TMCO1: variants seen among roughly 807,000 people sequenced by gnomAD.
TMCO1 encodes calcium load-activated calcium channel.
In TMCO1, 29 loss-of-function variants were observed where a neutral mutation model predicts 29.3. The observed-to-expected ratio is 0.99, with a 90% CI of 0.74 to 1.35. TMCO1 has a LOEUF of 1.35. TMCO1 is among the 40% of genes most tolerant of loss of function. The probability of loss-of-function intolerance (pLI) is 0.00; values close to 1 mark genes in which losing one functional copy is unlikely to be tolerated. For synonymous variants in TMCO1, 80 were observed against 77.1 expected (o/e 1.04, Z -0.20); for missense variants, 173 against 225.5 (o/e 0.77, Z 1.49).
At chr1:165,768,901 G>A (rs745928907), upstream of TMCO1, 3 of 1,545,744 alleles carry the variant, frequency 1.9e-6, no homozygotes, top group Non-Finnish European at 2.6e-6. Context: ...CGCTTCCGGG[G>A]CATAGCACCG....
At chr1:165,729,944 A>G (rs1345094411) in intron 6 of TMCO1, among the ~76,000 whole-genome samples, 2 of 151,996 alleles carry the variant, frequency 1.3e-5, no homozygotes, top group Non-Finnish European at 2.9e-5. Flanking sequence ...ATACTGTGAG[A>G]ATATCCATAA....
At chr1:165,730,963 G>A (rs1289816871) in intron 6 of TMCO1, among the ~76,000 whole-genome samples, 4 of 151,502 alleles carry the variant, frequency 2.6e-5, no homozygotes, top group Non-Finnish European at 4.4e-5. Flanking sequence ...GCAGTGGTGC[G>A]ATCTTGGCTC....
At position 165,726,821 on chromosome 1, in the gene TMCO1, T is replaced by G. The variant is rs1323037651; in HGVS notation, c.*1202A>C. The G allele has an allele frequency of 4.4e-6, 2 of 452,944 alleles. No homozygotes were observed. The highest frequency in any genetic ancestry group is 2.4e-5 in the Admixed American group (1 of 42,346). The allele number at this position is 452,944 out of a possible 1,614,324, so 28.1% of individuals were successfully genotyped here. A position where few individuals can be genotyped will look rare whatever the true frequency, so the allele number is the denominator to read the frequency against. On this transcript the variant is annotated 3_prime_UTR_variant, in exon 7 of 7. Coordinates refer to ENST00000367881, the MANE Select transcript of TMCO1 (RefSeq NM_019026.6). ...TTTGTATGTCTAAACATGTCTTTAT[T>G]TTGCCTCCAATATTGTACATAAAAT...
intron 3 of TMCO1, among the ~76,000 whole-genome samples, chr1:165,757,366 C>A (rs1405876991): frequency 6.6e-6 from 1 of 152,196 alleles, no homozygotes; most frequent in Non-Finnish European, 1.5e-5. Context: ...TTACAGATTT[C>A]TGATAGTCTG....
intron 2 of TMCO1, among the ~76,000 whole-genome samples, 160 bp from the exon 3 acceptor site, chr1:165,759,744 T>C (rs1466629245): frequency 1.3e-5 from 2 of 152,186 alleles, no homozygotes; most frequent in East Asian, 3.8e-4. Context: ...TCATAGCTAC[T>C]GATGGTAAAA....
intron 2 of TMCO1, among the ~76,000 whole-genome samples, chr1:165,760,887 A>T (rs1172485885): frequency 1.3e-5 from 2 of 152,196 alleles, no homozygotes; most frequent in Non-Finnish European, 2.9e-5. Flanking sequence ...TGGACTAGGG[A>T]TATGTCAAAA....
chr1:165,745,402 C>T (rs923792750), intron 5 of TMCO1, among the ~76,000 whole-genome samples: 15 of 145,390 alleles, frequency 1.0e-4, no homozygotes, highest in Non-Finnish European at 2.1e-4. Context: ...TTTGAGAGGC[C>T]GAGGCAGGAG....
At chr1:165,752,944 C>T (rs1329807416) in intron 4 of TMCO1, among the ~76,000 whole-genome samples, 1 of 152,150 alleles carries the variant, frequency 6.6e-6, no homozygotes, top group Non-Finnish European at 1.5e-5. Flanking sequence ...TTAATAAGTA[C>T]TGGCAAAAGG....
intron 6 of TMCO1, among the ~76,000 whole-genome samples, chr1:165,730,882 T>C (rs901671394): frequency 6.6e-6 from 1 of 150,934 alleles, no homozygotes; most frequent in African/African-American, 2.4e-5. Flanking sequence ...GGTGAGCCAC[T>C]ATGCCCGGCC....
chr1:165,768,913 A>G (rs917578167), upstream of TMCO1: 5 of 1,542,844 alleles, frequency 3.2e-6, no homozygotes, highest in Non-Finnish European at 1.7e-6. Flanking sequence ...ATAGCACCGG[A>G]AAGGCTCGTA....
At chr1:165,766,887 G>A (rs1165674137) in intron 2 of TMCO1, among the ~76,000 whole-genome samples, 2 of 152,198 alleles carry the variant, frequency 1.3e-5, no homozygotes, top group Non-Finnish European at 2.9e-5. Context: ...TACACTACTG[G>A]AAGCATGGAG....
intron 5 of TMCO1, among the ~76,000 whole-genome samples, chr1:165,751,009 G>T (rs1651972430): frequency 6.6e-6 from 1 of 152,156 alleles, no homozygotes; most frequent in Admixed American, 6.5e-5. Flanking sequence ...GGCAGAAGTT[G>T]CAGTGAGCTG....
chr1:165,751,668 G>A lies in TMCO1; in HGVS notation c.323+434C>T, dbSNP rs1651997935. On this transcript the variant is annotated intron_variant, in intron 5 of 6. Transcript: ENST00000367881. ...TGCAGTGAGCCAAGATTGCGCCACT[G>A]CACTCCAGCCTGGGTGACAGAGCAA... Among the ~76,000 whole-genome samples, 4 of 151,302 alleles carry A rather than the reference G, an allele frequency of 2.6e-5. No homozygotes were observed. The South Asian group carries it at 8.4e-4, about 32-fold the overall frequency.
chr1:165,749,940 A>G (rs1014026834), intron 5 of TMCO1, among the ~76,000 whole-genome samples: 2 of 152,174 alleles, frequency 1.3e-5, no homozygotes, highest in African/African-American at 4.8e-5. Context: ...AAAGATGTTA[A>G]ATCTCACACA....
In TMCO1 at chr1:165,730,436, G is replaced by C. The variant is rs12064187; in HGVS notation, c.469-2315C>G. Among the ~76,000 whole-genome samples the C allele has an allele frequency of 7.4e-3, 1,133 of 152,184 alleles. 23 individuals carry two copies. Among genetic ancestry groups the C allele is most frequent in the South Asian group, 0.05 (241 of 4,826 alleles). The stretch of plus-strand genomic sequence containing the variant: ...TTAAATATGGAGGACATAACTTTAA[G>C]GACTCATCTAAATTATATTTACCAT... On this transcript the variant is annotated intron_variant, in intron 6 of 6. Transcript: ENST00000367881.
chr1:165,768,745 T>G lies in TMCO1; in HGVS notation c.7A>C (p.Thr3Pro). The change falls in exon 1 of 7, where the codon ACT becomes CCT. Residue 3 changes from threonine to proline, a missense_variant. Coordinates refer to ENST00000367881, the MANE Select transcript of TMCO1 (RefSeq NM_019026.6). MS[T>P]MFADTLLIVF... The stretch of plus-strand genomic sequence containing the variant: ...ATGAGGAGAGTGTCCGCGAACATAG[T>G]GCTCATCTCGCACCTTCGTCTCTGC... 1.2e-6 allele frequency: 2 copies of G among 1,614,014 alleles called. No homozygotes were observed. Among genetic ancestry groups the G allele is most frequent in the Non-Finnish European group, 1.7e-6 (2 of 1,179,994 alleles).
rs148360462 is a variant in TMCO1 at position 165,753,235 on chromosome 1, G to A, written c.255+993C>T. Reference sequence around the variant, plus strand: ...CACCTGTAATCCCAGCACTTTGGGAGGCCGAGGCAGGTGGATGGCTTGAGC... The same window carrying A: ...CACCTGTAATCCCAGCACTTTGGGAAGCCGAGGCAGGTGGATGGCTTGAGC... On this transcript the variant is annotated intron_variant, in intron 4 of 6. Transcript: ENST00000367881. Among the ~76,000 whole-genome samples, 521 of 152,124 alleles carry A rather than the reference G, an allele frequency of 3.4e-3. 5 individuals are homozygous for A. The highest frequency in any genetic ancestry group is 0.012 in the African/African-American group (492 of 41,520).
chr1:165,725,020 CTCTCTATATATATATA>C, downstream of TMCO1: 2 of 118,294 alleles, frequency 1.7e-5, no homozygotes, highest in East Asian at 2.9e-4. Flanking sequence ...CTCTCTCTCT[CTCTCTATATATATATA>C]TATATATATA....
intron 3 of TMCO1, among the ~76,000 whole-genome samples, chr1:165,758,471 G>A (rs1408099536): frequency 2.6e-5 from 4 of 151,720 alleles, no homozygotes; most frequent in East Asian, 1.9e-4. Flanking sequence ...CAGGAAAATC[G>A]CTTGAACCCG....
Sources: gnomAD v4.1 joint callset for allele counts (sites outside exome capture counted in the v4.1 genomes callset) on GRCh38, gnomAD v4.1.1 for gene constraint, MANE v1.5 for transcripts, NCBI Gene and HGNC (gene_info 2026-07-23, HGNC 2026-07-21) for gene names.